The following MED1 variants were observed in gnomAD, a reference collection of about 807,000 sequenced individuals.
MED1 encodes mediator complex subunit 1.
MED1 carries 17 observed loss-of-function variants against 121.3 expected under a neutral mutation model. The observed-to-expected ratio is 0.14, with a 90% confidence interval of 0.10 to 0.21. The LOEUF is 0.21. Among genes scored for constraint, MED1 ranks in the 10% least tolerant of loss-of-function variants. The probability of loss-of-function intolerance (pLI) is 1.00; values close to 1 mark genes in which losing one functional copy is unlikely to be tolerated. For synonymous variants in MED1, 661 were observed against 694.4 expected, an observed-to-expected ratio of 0.95 and a Z score of 0.76; for missense variants, 1,558 against 1,919.4, an observed-to-expected ratio of 0.81 and a Z score of 3.52.
At chr17:39,427,515 G>A in intron 10 of MED1, 186 bp downstream of exon 10, 1 of 469,892 alleles carries the variant, frequency 2.1e-6, no homozygotes, top group Non-Finnish European at 3.8e-6. Flanking sequence ...ATGTATGTGT[G>A]TATATATGCA....
At chr17:39,423,861 G>T in intron 11 of MED1, 40 bp from the exon 12 acceptor site, 1 of 1,555,258 alleles carries the variant, frequency 6.4e-7, no homozygotes, top group South Asian at 1.2e-5. Flanking sequence ...ATTCTGACTT[G>T]ATATAAAAAT....
At chr17:39,432,881 A>T (rs952857888) in intron 7 of MED1, among the ~76,000 whole-genome samples, 1 of 152,194 alleles carries the variant, frequency 6.6e-6, no homozygotes, top group Non-Finnish European at 1.5e-5. Flanking sequence ...CCTGACCAAC[A>T]TGGTAAAACC....
chr17:39,445,682 A>G (rs1312693610), intron 2 of MED1: 1 of 152,194 alleles, frequency 6.6e-6, no homozygotes, highest in Non-Finnish European at 1.5e-5. Context: ...CTCTAATGAC[A>G]GTATCATTTA....
chr17:39,413,734 CAAAATAAA>C (rs913055815), intron 16 of MED1, among the ~76,000 whole-genome samples: 2 of 150,316 alleles, frequency 1.3e-5, no homozygotes, highest in African/African-American at 4.9e-5. Context: ...ACTCTTGTCT[CAAAATAAA>C]AAAATAAAAG....
chr17:39,438,940 C>G (rs2048646150), intron 6 of MED1, among the ~76,000 whole-genome samples: 1 of 152,144 alleles, frequency 6.6e-6, no homozygotes, highest in Non-Finnish European at 1.5e-5. Flanking sequence ...TAGAGCAAGA[C>G]TCCATCTCAA....
rs773373463 is a variant in MED1, at chr17:39,409,780, C to G, written c.2441G>C (p.Gly814Ala). The G allele has an allele frequency of 6.2e-7, 1 of 1,614,112 alleles. No homozygotes were observed. The highest frequency in any genetic ancestry group is 1.1e-5 in the South Asian group (1 of 91,082). The change falls in exon 17 of 17, where the codon GGG becomes GCG. Residue 814 changes from glycine to alanine, a missense_variant. Around this residue, in one of 5 missense-constraint regions of MED1, gnomAD observed 793 missense variants for 898.2 expected, o/e 0.88. Coordinates refer to ENST00000300651, the MANE Select transcript of MED1 (RefSeq NM_004774.4). ...GTCAAACAGGGTACTCTGAGAATGC[C>G]CAGAGCTTGAAGAATCTCGAAGAGG... ...GTPLRDSSSS[G>A]HSQSTLFDSD...
In MED1 at chr17:39,409,512, T is replaced by C. The variant is rs1324218638; in HGVS notation, c.2709A>G (p.Leu903=). 1 of 1,614,076 alleles carries C rather than the reference T, an allele frequency of 6.2e-7. No individual in the cohort carries two copies. The highest frequency in any genetic ancestry group is 2.2e-5 in the East Asian group (1 of 44,906). ...DDFKGFASQA[L]NTLGVPMLGG... ...CAAGCATTGGCACCCCCAAAGTATT[T>C]AGTGCCTGAGATGCAAATCCTTTGA... Residue 903 remains leucine (L), a synonymous_variant, in exon 17 of 17, where the codon CTA becomes CTG. Transcript: ENST00000300651.
chr17:39,446,634 C>T (rs530193561), intron 2 of MED1, among the ~76,000 whole-genome samples: 6 of 145,834 alleles, frequency 4.1e-5, no homozygotes, highest in Admixed American at 2.8e-4. Context: ...ATTAGCCAGG[C>T]GTGGTGGCGT....
intron 6 of MED1, among the ~76,000 whole-genome samples, chr17:39,434,888 C>T (rs887086616): frequency 6.6e-6 from 1 of 151,984 alleles, no homozygotes; most frequent in Admixed American, 6.6e-5. Context: ...TAGGAAGGGC[C>T]AGGCACAGTC....
At chr17:39,444,966 C>T (rs2048713043) in intron 2 of MED1, among the ~76,000 whole-genome samples, 1 of 152,028 alleles carries the variant, frequency 6.6e-6, no homozygotes, top group Non-Finnish European at 1.5e-5. Context: ...CATTCCAGTC[C>T]CTAAAAACGT....
At chr17:39,428,391 G>A (rs1181838236) in intron 9 of MED1, among the ~76,000 whole-genome samples, 1 of 152,148 alleles carries the variant, frequency 6.6e-6, no homozygotes, top group Non-Finnish European at 1.5e-5. Context: ...GGCTGAGGCA[G>A]AAGAATCGCT....
intron 13 of MED1, among the ~76,000 whole-genome samples, chr17:39,421,517 T>G (rs1256344698): frequency 6.6e-6 from 1 of 151,994 alleles, no homozygotes; most frequent in Non-Finnish European, 1.5e-5. Flanking sequence ...GCCACTGCAC[T>G]CCAGCCTGGC....
At chr17:39,433,542 T>TAC (rs974989843) in intron 7 of MED1, among the ~76,000 whole-genome samples, 2 of 150,936 alleles carry the variant, frequency 1.3e-5, no homozygotes, top group African/African-American at 4.9e-5. Context: ...TATATATATA[T>TAC]ATATACACAC....
At chr17:39,427,636 C>T (rs921997056) in intron 10 of MED1, 65 bp downstream of exon 10, 36 of 1,222,266 alleles carry the variant, frequency 2.9e-5, no homozygotes, top group Middle Eastern at 1.9e-4. Context: ...GAATAGCAAA[C>T]CAGAAATTAA....
At position 39,409,918 on chromosome 17, in the gene MED1, C is replaced by T. The variant is rs749245401; in HGVS notation, c.2303G>A (p.Arg768Gln). Residue 768 changes from arginine (R) to glutamine (Q), a missense_variant, in exon 17 of 17, where the codon CGA (arginine) becomes CAA (glutamine). This residue lies in a region of MED1 where 793 missense variants were observed against 898.2 expected (regional missense o/e 0.88). Coordinates refer to ENST00000300651, the MANE Select transcript of MED1 (RefSeq NM_004774.4). ...HPQPSIQRMV[R>Q]LSSSDSIGPD... ...GCCAATGCTGTCTGAACTGGATAGT[C>T]GGACCATCCTTTGAATACTGGGTTG... is the stretch of plus-strand genomic sequence containing the variant. The T allele has an allele frequency of 6.8e-6, 11 of 1,613,922 alleles. No homozygotes were observed. The South Asian group carries it at 7.7e-5, about 11-fold the overall frequency.
At position 39,410,518 on chromosome 17, in the gene MED1, G is replaced by A. The variant is rs773423212; in HGVS notation, c.1703C>T (p.Pro568Leu). Reference sequence around the variant, plus strand: ...AAACAAGGTGGTAATGGGACCCCCCGGAAAGGTGTTGGTTGGTGTAGTGGT... The same window carrying A: ...AAACAAGGTGGTAATGGGACCCCCCAGAAAGGTGTTGGTTGGTGTAGTGGT... ...SGTTTPTNTF[P>L]GGPITTLFNM... Residue 568 changes from proline (P) to leucine (L), a missense_variant, in exon 17 of 17, where the codon CCG becomes CTG. Physicochemically the swap from Pro to Leu is moderately conservative, Grantham distance 98 (BLOSUM62 -3). Coordinates refer to ENST00000300651, the MANE Select transcript of MED1 (RefSeq NM_004774.4). The A allele has an allele frequency of 2.2e-5, 35 of 1,614,124 alleles. No individual in the cohort carries two copies. The highest frequency in any genetic ancestry group is 3.3e-4 in the Middle Eastern group (2 of 6,062).
chr17:39,418,332 A>G (rs2048429786), intron 14 of MED1, among the ~76,000 whole-genome samples: 1 of 144,444 alleles, frequency 6.9e-6, no homozygotes, highest in South Asian at 2.4e-4. Flanking sequence ...TCAGCCCAGG[A>G]GTTACAGACG....
In MED1 at chr17:39,414,634, CTTTTTTTTTTTTTTTTTTTT is replaced by C. The variant is rs55829399; in HGVS notation, c.1499+372_1499+391del. Among the ~76,000 whole-genome samples the C allele has an allele frequency of 3.3e-3, 203 of 61,554 alleles. 3 individuals are homozygous for C. The highest frequency in any genetic ancestry group is 4.9e-3 in the Non-Finnish European group (159 of 32,410). 40.4% of individuals were successfully genotyped at this position (61,554 alleles called of 152,430 possible). Reference sequence around the variant, plus strand: ...ACAGGCGTGAGCCACCAGGCCCGGCCTTTTTTTTTTTTTTTTTTTTTTTTTTTTTTTTTTTTTTTTACAAC... The same window carrying C: ...ACAGGCGTGAGCCACCAGGCCCGGCCTTTTTTTTTTTTTTTTTTTTACAAC... On this transcript the variant is annotated intron_variant, in intron 16 of 16. Coordinates refer to ENST00000300651, the MANE Select transcript of MED1 (RefSeq NM_004774.4).
chr17:39,442,598 G>GAAA (rs34492410), intron 3 of MED1, among the ~76,000 whole-genome samples: 3 of 65,806 alleles, frequency 4.6e-5, no homozygotes, highest in Non-Finnish European at 5.7e-5. Flanking sequence ...CACCGTCTCG[G>GAAA]AAAAAAAAAA....
Sources: gnomAD v4.1 joint callset for allele counts (sites outside exome capture counted in the v4.1 genomes callset) on GRCh38, gnomAD v4.1.1 for gene constraint, gnomAD v4.1.1 regional missense constraint, MANE v1.5 for transcripts, NCBI Gene and HGNC (gene_info 2026-07-23, HGNC 2026-07-21) for gene names.